Variants in EDEM1 observed in about 807,000 individuals in gnomAD.
EDEM1 encodes ER degradation enhancing alpha-mannosidase like protein 1.
Under a neutral mutation model 74.4 loss-of-function variants are expected in EDEM1, and 67 were observed. That is an observed-to-expected ratio of 0.90 (90% CI 0.74 to 1.10). The LOEUF (loss-of-function observed/expected upper bound fraction) is 1.10, where lower values mean the gene tolerates loss of function less well. Ranked by LOEUF, EDEM1 falls within the 50% of genes least tolerant of loss-of-function variation. EDEM1 has a pLI of 0.00. For missense variants in EDEM1, 926 were observed against 851.6 expected (o/e 1.09, Z -1.09); for synonymous variants, 382 against 335.9 (o/e 1.14, Z -1.50).
chr3:5,213,211 A>C, intron 10 of EDEM1, 108 bp from the exon 11 acceptor site: 1 of 1,105,260 alleles, frequency 9.0e-7, no homozygotes, highest in East Asian at 2.6e-5. Flanking sequence ...ACTGAGAAGC[A>C]TGAGGCCCAA....
At chr3:5,188,609 C>A (rs1240113231) in intron 1 of EDEM1, among the ~76,000 whole-genome samples, 1 of 152,214 alleles carries the variant, frequency 6.6e-6, no homozygotes, top group East Asian at 1.9e-4. Flanking sequence ...CCAGAAGGGA[C>A]AGTGGCAGTG....
At chr3:5,195,771 C>T (rs1237532019) in intron 2 of EDEM1, among the ~76,000 whole-genome samples, 9 of 152,248 alleles carry the variant, frequency 5.9e-5, no homozygotes, top group African/African-American at 2.2e-4. Flanking sequence ...GTTTTGTGGA[C>T]ACTCCATGCC....
chr3:5,207,618 T>G (rs1364197720), intron 7 of EDEM1, among the ~76,000 whole-genome samples: 3 of 152,194 alleles, frequency 2.0e-5, no homozygotes, highest in Non-Finnish European at 4.4e-5. Context: ...GAGATTCTCC[T>G]GCCTCAGCCT....
At chr3:5,215,688 G>A in intron 11 of EDEM1, 141 bp from the exon 12 acceptor site, 1 of 760,790 alleles carries the variant, frequency 1.3e-6, no homozygotes, top group Non-Finnish European at 2.3e-6. Context: ...CCGTCCTGCA[G>A]TGTACAGGCA....
chr3:5,189,842 A>C (rs1017615504), intron 1 of EDEM1, among the ~76,000 whole-genome samples: 2 of 152,002 alleles, frequency 1.3e-5, no homozygotes, highest in Non-Finnish European at 2.9e-5. Context: ...CTCGTGATCC[A>C]CCCGCCTGGG....
At chr3:5,206,867 A>G (rs779811659) in intron 6 of EDEM1, among the ~76,000 whole-genome samples, 2 of 152,210 alleles carry the variant, frequency 1.3e-5, no homozygotes, top group Non-Finnish European at 2.9e-5. Flanking sequence ...CTTATGTGGC[A>G]GGGCTCTTAA....
intron 1 of EDEM1, among the ~76,000 whole-genome samples, chr3:5,191,361 CT>C (rs1269919628): frequency 5.3e-5 from 8 of 151,796 alleles, no homozygotes; most frequent in Admixed American, 2.6e-4. Flanking sequence ...ATAGCTGGGA[CT>C]AGAGGTGTGC....
At chr3:5,193,673 C>T (rs2054928589) in intron 1 of EDEM1, among the ~76,000 whole-genome samples, 1 of 152,106 alleles carries the variant, frequency 6.6e-6, no homozygotes, top group African/African-American at 2.4e-5. Flanking sequence ...TCTCGGCTCA[C>T]CGCAACCTCC....
intron 6 of EDEM1, among the ~76,000 whole-genome samples, chr3:5,206,506 C>T (rs1023041307): frequency 6.6e-6 from 1 of 152,036 alleles, no homozygotes; most frequent in Non-Finnish European, 1.5e-5. Flanking sequence ...ACACCTGGCC[C>T]CCAGATCTTT....
In EDEM1 at chr3:5,209,855, C is replaced by T. The variant is rs953935188; in HGVS notation, c.1510-320C>T. Among the ~76,000 whole-genome samples, 88 of 152,152 alleles carry T rather than the reference C, an allele frequency of 5.8e-4. 1 individual carries two copies. Among genetic ancestry groups the T allele is most frequent in the Admixed American group, 2.2e-3 (34 of 15,280 alleles). ...AGGCAAGATAGAAATTGGATTTGTT[C>T]TCAGATATGGTGCTGTCAGCGTGGG... On this transcript the variant is annotated intron_variant, in intron 8 of 11. Transcript: ENST00000256497.
chr3:5,206,500 C>T (rs2055098875), intron 6 of EDEM1, among the ~76,000 whole-genome samples: 7 of 152,172 alleles, frequency 4.6e-5, no homozygotes, highest in Admixed American at 4.6e-4. Flanking sequence ...GCCACCACAC[C>T]TGGCCCCCAG....
chr3:5,208,655 T>G (rs1450164618), intron 8 of EDEM1, among the ~76,000 whole-genome samples: 1 of 152,020 alleles, frequency 6.6e-6, no homozygotes, highest in Admixed American at 6.6e-5. Flanking sequence ...GTAACAACTA[T>G]TCAGACAAAA....
At chr3:5,210,061 C>G in intron 8 of EDEM1, 114 bp from the exon 9 acceptor site, 2 of 869,798 alleles carry the variant, frequency 2.3e-6, no homozygotes, top group Admixed American at 3.8e-5. Flanking sequence ...GGCCCTGTTT[C>G]TTCCTTTGGC....
At position 5,217,920 on chromosome 3, in the gene EDEM1, TG is replaced by T. The variant is rs1380566532; in HGVS notation, c.*2003del. The T allele has an allele frequency of 6.6e-6, 1 of 152,252 alleles. No individual in the cohort carries two copies. The highest frequency in any genetic ancestry group is 1.5e-5 in the Non-Finnish European group (1 of 68,050). 9.4% of individuals were successfully genotyped at this position (152,252 alleles called of 1,614,324 possible). On this transcript the variant is annotated 3_prime_UTR_variant, in exon 12 of 12. Transcript: ENST00000256497. Reference sequence around the variant, plus strand: ...CTCAGAGAAGGAGGTGAGTTCTTCCTGCCTGTGATTTCTCTTGGCGCTCCCC... The same window carrying T: ...CTCAGAGAAGGAGGTGAGTTCTTCCTCCTGTGATTTCTCTTGGCGCTCCCC...
At chr3:5,199,722 A>G (rs985531617) in intron 3 of EDEM1, 27 bp downstream of exon 3, 24 of 1,572,128 alleles carry the variant, frequency 1.5e-5, no homozygotes, top group Non-Finnish European at 2.0e-5. Context: ...TCATAAAATG[A>G]ATTGGAGACT....
chr3:5,206,842 T>C (rs1319029132), intron 6 of EDEM1, among the ~76,000 whole-genome samples: 1 of 152,188 alleles, frequency 6.6e-6, no homozygotes, highest in Non-Finnish European at 1.5e-5. Context: ...AGGCCCATAC[T>C]ATATACTGAA....
intron 6 of EDEM1, 82 bp downstream of exon 6, chr3:5,205,323 C>A (rs909527811): frequency 4.3e-6 from 6 of 1,391,022 alleles, no homozygotes; most frequent in African/African-American, 4.3e-5. Context: ...TTTTAACACA[C>A]AATCACAGGG....
intron 1 of EDEM1, among the ~76,000 whole-genome samples, chr3:5,188,760 T>C (rs1162715417): frequency 6.6e-6 from 1 of 152,130 alleles, no homozygotes; most frequent in Non-Finnish European, 1.5e-5. Context: ...CCCACCTCTA[T>C]CACATTGCCA....
At chr3:5,211,474 G>A (rs1018430410) in intron 10 of EDEM1, 5 of 416,818 alleles carry the variant, frequency 1.2e-5, no homozygotes, top group Non-Finnish European at 2.3e-5. Context: ...GGTAACGATT[G>A]ATACAGAACC....
Sources: allele counts gnomAD v4.1 joint callset (sites outside exome capture counted in the v4.1 genomes callset), GRCh38; gene constraint gnomAD v4.1.1; transcripts MANE v1.5; gene names NCBI Gene and HGNC (gene_info 2026-07-23, HGNC 2026-07-21).